SNTG1: variants seen among roughly 807,000 people sequenced by gnomAD.
SNTG1 encodes the protein gamma-1-syntrophin.
SNTG1 carries 39 observed loss-of-function variants against 74.7 expected under a neutral mutation model. The observed-to-expected ratio is 0.52, with a 90% CI of 0.40 to 0.68. The LOEUF (loss-of-function observed/expected upper bound fraction) is 0.68, where lower values mean the gene tolerates loss of function less well. Ranked by LOEUF, SNTG1 falls within the 30% of genes least tolerant of loss-of-function variation. SNTG1 has a pLI of 0.00. For synonymous variants in SNTG1, 254 were observed against 217.1 expected (o/e 1.17, Z -1.49); for missense variants, 685 against 609.5 (o/e 1.12, Z -1.30).
chr8:50,012,782 A>C (rs917543316), intron 1 of SNTG1, among the ~76,000 whole-genome samples: 3 of 152,138 alleles, frequency 2.0e-5, no homozygotes, highest in African/African-American at 7.2e-5. Context: ...TGGGTGAGGC[A>C]AAGTAAATGG....
At chr8:50,581,660 T>C (rs910243518) in intron 12 of SNTG1, among the ~76,000 whole-genome samples, 2 of 152,128 alleles carry the variant, frequency 1.3e-5, no homozygotes, top group Non-Finnish European at 2.9e-5. Context: ...AATATGAGGA[T>C]TAATATTTGG....
At chr8:50,755,730 G>T (rs2095578710) in intron 18 of SNTG1, among the ~76,000 whole-genome samples, 2 of 151,854 alleles carry the variant, frequency 1.3e-5, no homozygotes, top group African/African-American at 4.8e-5. Flanking sequence ...ACCAATAAAT[G>T]AAAGTTGCTT....
rs1266060082 is a variant in SNTG1, at chr8:49,941,440, TTTATATA to T, written c.-103+29223_-103+29229del. 2.4e-4 allele frequency among the ~76,000 whole-genome samples: 35 copies of T among 148,532 alleles called. No individual in the cohort carries two copies. The South Asian group carries it at 6.7e-3, about 28-fold the overall frequency. ...TCCTCTGAAATTCATTAAACAAATG[TTTATATA>T]TTATATATTATATTAATATATATTT... On this transcript the variant is annotated intron_variant, in intron 1 of 18. Transcript: ENST00000642720.
At chr8:50,606,353 C>T (rs1441557114) in intron 13 of SNTG1, among the ~76,000 whole-genome samples, 1 of 152,012 alleles carries the variant, frequency 6.6e-6, no homozygotes, top group Non-Finnish European at 1.5e-5. Flanking sequence ...ATTCTAGTTT[C>T]CAGTGTATAC....
At chr8:50,791,314 A>T (rs959982053) in intron 18 of SNTG1, among the ~76,000 whole-genome samples, 1 of 151,918 alleles carries the variant, frequency 6.6e-6, no homozygotes, top group Non-Finnish European at 1.5e-5. Flanking sequence ...TGGTGGAAAT[A>T]TCTAAGGGAA....
At chr8:50,559,062 C>A (rs1395052149) in intron 12 of SNTG1, among the ~76,000 whole-genome samples, 2 of 152,020 alleles carry the variant, frequency 1.3e-5, no homozygotes, top group African/African-American at 2.4e-5. Context: ...ATAATTGAAA[C>A]CATCAACCAG....
intron 15 of SNTG1, among the ~76,000 whole-genome samples, chr8:50,660,289 GAAA>G (rs2095212574): frequency 7.4e-6 from 1 of 135,754 alleles, no homozygotes; most frequent in Non-Finnish European, 1.5e-5. Context: ...AAGGAAAGAA[GAAA>G]GAAAGAGAAA....
intron 1 of SNTG1, among the ~76,000 whole-genome samples, chr8:49,938,603 T>TTTTTTTTTTTTTTCTTTTCTTTCTTTC (rs1554524905): frequency 2.7e-5 from 2 of 74,754 alleles, no homozygotes; most frequent in African/African-American, 9.1e-5. Context: ...TTTTCTTTTC[T>TTTTTTTTTTTTTTCTTTTCTTTCTTTC]TTTCTTTCTT....
chr8:50,654,586 T>C (rs575718223), intron 13 of SNTG1, among the ~76,000 whole-genome samples: 128 of 152,354 alleles, frequency 8.4e-4, no homozygotes, highest in African/African-American at 2.9e-3. Context: ...CTTCATGTTA[T>C]TCTCCTGATG....
At chr8:50,452,110 G>A (rs1166269120) in intron 8 of SNTG1, among the ~76,000 whole-genome samples, 2 of 152,144 alleles carry the variant, frequency 1.3e-5, no homozygotes, top group African/African-American at 2.4e-5. Flanking sequence ...CACAAGAACC[G>A]AGACGAAGGA....
chr8:50,643,353 C>T (rs1298298050), intron 13 of SNTG1, among the ~76,000 whole-genome samples: 1 of 152,164 alleles, frequency 6.6e-6, no homozygotes, highest in Non-Finnish European at 1.5e-5. Flanking sequence ...TATAGCCAGC[C>T]CTCTGTGGTG....
At chr8:50,240,548 T>C (rs2086119483) in intron 2 of SNTG1, among the ~76,000 whole-genome samples, 1 of 152,318 alleles carries the variant, frequency 6.6e-6, no homozygotes, top group East Asian at 1.9e-4. Flanking sequence ...AGATTTTATA[T>C]ATTATGTAAA....
At chr8:50,441,711 C>A (rs1483926375) in intron 5 of SNTG1, among the ~76,000 whole-genome samples, 1 of 151,972 alleles carries the variant, frequency 6.6e-6, no homozygotes, top group African/African-American at 2.4e-5. Context: ...TTTGGAGTTT[C>A]TTACCAAATC....
intron 1 of SNTG1, among the ~76,000 whole-genome samples, chr8:49,969,278 G>A (rs1811422970): frequency 6.6e-6 from 1 of 151,488 alleles, no homozygotes; most frequent in Non-Finnish European, 1.5e-5. Flanking sequence ...GCATTAATGC[G>A]AGGAAACCTT....
intron 3 of SNTG1, among the ~76,000 whole-genome samples, chr8:50,400,664 T>C (rs2092791726): frequency 6.6e-6 from 1 of 152,226 alleles, no homozygotes; most frequent in Non-Finnish European, 1.5e-5. Flanking sequence ...CAGCATTTGT[T>C]ATTTTTTGTC....
At chr8:50,293,393 T>C (rs1468809112) in intron 2 of SNTG1, among the ~76,000 whole-genome samples, 1 of 145,304 alleles carries the variant, frequency 6.9e-6, no homozygotes. Context: ...GGGCCCACCT[T>C]AGTAGGCTTC....
intron 15 of SNTG1, among the ~76,000 whole-genome samples, chr8:50,703,305 T>C (rs1158534701): frequency 6.6e-6 from 1 of 152,124 alleles, no homozygotes; most frequent in South Asian, 2.1e-4. Context: ...ATTTACAAAT[T>C]ACTTTTTTAT....
At chr8:50,726,320 A>G (rs2095499912) in intron 17 of SNTG1, among the ~76,000 whole-genome samples, 1 of 152,216 alleles carries the variant, frequency 6.6e-6, no homozygotes, top group South Asian at 2.1e-4. Context: ...CACATATTTC[A>G]GCCAGTAGTG....
At chr8:50,699,657 A>G (rs1045593901) in intron 15 of SNTG1, among the ~76,000 whole-genome samples, 1 of 152,194 alleles carries the variant, frequency 6.6e-6, no homozygotes, top group African/African-American at 2.4e-5. Context: ...TTTAGCTATT[A>G]TTATTATCAT....
Sources: gnomAD v4.1 joint callset for allele counts (sites outside exome capture counted in the v4.1 genomes callset) on GRCh38, gnomAD v4.1.1 for gene constraint, MANE v1.5 for transcripts, NCBI Gene and HGNC (gene_info 2026-07-23, HGNC 2026-07-21) for gene names.